The following ME3 variants were observed in gnomAD, a reference collection of about 807,000 sequenced individuals.
ME3 encodes the protein NADP-dependent malic enzyme, mitochondrial.
Under a neutral mutation model 68.9 loss-of-function variants are expected in ME3, and 48 were observed. The ratio of observed to expected loss-of-function variants is 0.70; its 90% CI spans 0.55 to 0.89. The LOEUF (loss-of-function observed/expected upper bound fraction) is 0.89, where lower values mean the gene tolerates loss of function less well. Among genes scored for constraint, ME3 ranks in the 40% least tolerant of loss-of-function variants. The pLI is 0.00. For synonymous variants in ME3, 320 were observed against 318.8 expected (o/e 1.00, Z -0.04); for missense variants, 675 against 797.4 (o/e 0.85, Z 1.85).
Position 86,444,294 on chromosome 11 carries a change from G to T in ME3, c.1555-1375C>A, listed in dbSNP as rs529535999. 1.6e-4 allele frequency among the ~76,000 whole-genome samples: 24 copies of T among 152,246 alleles called. No individual in the cohort carries two copies. The South Asian group carries it at 3.7e-3, about 24-fold the overall frequency. On this transcript the variant is annotated intron_variant, in intron 13 of 14. Coordinates refer to ENST00000543262, the Ensembl canonical transcript of ME3. ...AGATTGAAAACAGCACATTGGTTAG[G>T]TCGATGTTAGGGAGACACCAAAAGT... is the stretch of plus-strand genomic sequence containing the variant.
At chr11:86,671,349 C>T (rs1207001935) in intron 2 of ME3, among the ~76,000 whole-genome samples, 1 of 152,194 alleles carries the variant, frequency 6.6e-6, no homozygotes, top group Non-Finnish European at 1.5e-5. Flanking sequence ...ATTTTCTACC[C>T]GCATTTTCTC....
chr11:86,652,523 A>C (rs1391433427), intron 2 of ME3, among the ~76,000 whole-genome samples: 3 of 152,192 alleles, frequency 2.0e-5, no homozygotes, highest in Non-Finnish European at 4.4e-5. Flanking sequence ...GAAATAAAAT[A>C]CTTGAGAGAC....
chr11:86,661,971 G>A (rs186121681), intron 2 of ME3, among the ~76,000 whole-genome samples: 231 of 152,244 alleles, frequency 1.5e-3, no homozygotes, highest in Non-Finnish European at 2.9e-3. Flanking sequence ...TGAGTCTTGG[G>A]AGAATTACAC....
chr11:86,494,527 T>TC (rs1952194124), intron 6 of ME3, among the ~76,000 whole-genome samples: 1 of 152,102 alleles, frequency 6.6e-6, no homozygotes, highest in Non-Finnish European at 1.5e-5. Flanking sequence ...CCGGGGCACA[T>TC]AGGAGGGCAG....
chr11:86,610,870 C>T (rs1362574936), intron 2 of ME3, among the ~76,000 whole-genome samples: 1 of 152,176 alleles, frequency 6.6e-6, no homozygotes, highest in African/African-American at 2.4e-5. Context: ...TTTTGCTGAA[C>T]AAAACAGCAC....
intron 2 of ME3, among the ~76,000 whole-genome samples, chr11:86,634,067 A>T (rs540623647): frequency 8.6e-5 from 13 of 151,992 alleles, no homozygotes; most frequent in African/African-American, 3.1e-4. Context: ...CCCAAAATAC[A>T]CCCCTCTCCT....
intron 10 of ME3, among the ~76,000 whole-genome samples, chr11:86,448,636 C>T (rs565865270): frequency 2.0e-5 from 3 of 152,278 alleles, no homozygotes; most frequent in African/African-American, 7.2e-5. Flanking sequence ...GGATGGGGAC[C>T]TGTGCCACCC....
chr11:86,454,771 T>C (rs1358123884), intron 8 of ME3, among the ~76,000 whole-genome samples: 1 of 152,234 alleles, frequency 6.6e-6, no homozygotes, highest in Non-Finnish European at 1.5e-5. Flanking sequence ...TTAAATAGTA[T>C]ACATTTATCA....
At chr11:86,623,403 G>A (rs904086747) in intron 2 of ME3, among the ~76,000 whole-genome samples, 27 of 152,228 alleles carry the variant, frequency 1.8e-4, no homozygotes, top group African/African-American at 6.5e-4. Flanking sequence ...CCAACTTGCA[G>A]ATGGTATGTT....
chr11:86,561,894 C>T (rs1957256066), intron 2 of ME3, among the ~76,000 whole-genome samples: 1 of 152,190 alleles, frequency 6.6e-6, no homozygotes, highest in Non-Finnish European at 1.5e-5. Context: ...AGTCTGCATT[C>T]CTTCCTGGAA....
At chr11:86,549,121 A>G (rs957757432) in intron 4 of ME3, among the ~76,000 whole-genome samples, 9 of 152,162 alleles carry the variant, frequency 5.9e-5, no homozygotes, top group African/African-American at 1.9e-4. Flanking sequence ...GCTTCATCCA[A>G]CCTATTCACA....
intron 2 of ME3, among the ~76,000 whole-genome samples, chr11:86,618,293 C>T (rs1265066741): frequency 3.1e-5 from 1 of 32,316 alleles, no homozygotes; most frequent in Non-Finnish European, 7.2e-5. Context: ...GAGCAAGGCT[C>T]TGTCTCAAAA....
chr11:86,610,089 A>C (rs985878058), intron 2 of ME3, among the ~76,000 whole-genome samples: 2 of 152,198 alleles, frequency 1.3e-5, no homozygotes, highest in Non-Finnish European at 2.9e-5. Flanking sequence ...AACATATGCC[A>C]AAAGGCTATA....
At chr11:86,510,023 A>G (rs1461812719) in intron 4 of ME3, among the ~76,000 whole-genome samples, 1 of 152,188 alleles carries the variant, frequency 6.6e-6, no homozygotes, top group Non-Finnish European at 1.5e-5. Flanking sequence ...TAAAACACCA[A>G]AAAAATCACT....
chr11:86,671,055 A>C (rs535187583), intron 2 of ME3, among the ~76,000 whole-genome samples: 18 of 152,362 alleles, frequency 1.2e-4, no homozygotes, highest in Admixed American at 7.2e-4. Context: ...AAACAAATAC[A>C]AAAGAGCTAG....
chr11:86,487,327 G>A lies in ME3; in HGVS notation c.809+10C>T. ...GTCCTCTTTCAAAAGGGACAGACTG[G>A]TCCACTTACTTGTCTGTCACAGCCT... On this transcript the variant is annotated intron_variant, in intron 7 of 14. Coordinates refer to ENST00000543262, the Ensembl canonical transcript of ME3. 1 of 1,609,306 alleles carries A rather than the reference G, an allele frequency of 6.2e-7. No homozygotes were observed. The highest frequency in any genetic ancestry group is 8.5e-7 in the Non-Finnish European group (1 of 1,175,658).
intron 6 of ME3, among the ~76,000 whole-genome samples, chr11:86,496,649 C>A (rs1393982852): frequency 6.6e-6 from 1 of 152,094 alleles, no homozygotes; most frequent in African/African-American, 2.4e-5. Flanking sequence ...GACTCATCTG[C>A]AAAAATGGGT....
intron 2 of ME3, among the ~76,000 whole-genome samples, chr11:86,583,891 T>C (rs776282567): frequency 1.3e-5 from 2 of 152,128 alleles, no homozygotes; most frequent in Non-Finnish European, 2.9e-5. Flanking sequence ...AAAAACTTTA[T>C]GACATTGGAC....
chr11:86,580,463 A>G lies in ME3; in HGVS notation c.184-20640T>C, dbSNP rs1005618688. On this transcript the variant is annotated intron_variant, in intron 2 of 14. Transcript: ENST00000543262. ...GATTGACTAAATACATGACTGAATG[A>G]TTGATTGGGTCATCATTGAATAGTA... 5.3e-5 allele frequency among the ~76,000 whole-genome samples: 8 copies of G among 152,320 alleles called. 1 individual carries two copies. Among genetic ancestry groups the G allele is most frequent in the Admixed American group, 2.6e-4 (4 of 15,294 alleles).
Sources: gnomAD v4.1 joint callset for allele counts (sites outside exome capture counted in the v4.1 genomes callset) on GRCh38, gnomAD v4.1.1 for gene constraint, MANE v1.5 for transcripts, NCBI Gene and HGNC (gene_info 2026-07-23, HGNC 2026-07-21) for gene names.